Variants in COL24A1 observed in about 807,000 individuals in gnomAD.
COL24A1 encodes collagen alpha-1(XXIV) chain.
COL24A1 carries 224 observed loss-of-function variants against 253.9 expected under a neutral mutation model. That is an observed-to-expected ratio of 0.88 (90% CI 0.79 to 0.99). The LOEUF is 0.99. COL24A1 is among the 50% of genes least tolerant of loss of function. COL24A1 has a pLI of 0.00. For synonymous variants in COL24A1, 685 were observed against 673.7 expected, an observed-to-expected ratio of 1.02 and a Z score of -0.26; for missense variants, 2,131 against 2,068.5, an observed-to-expected ratio of 1.03 and a Z score of -0.59.
In COL24A1 at chr1:86,112,047, C is replaced by T. The variant is rs185764523; in HGVS notation, c.1599+520G>A. The stretch of plus-strand genomic sequence containing the variant: ...AGTGAGACCAAGAACCCACCAATTC[C>T]GGACACAATATGACTATCATACAAC... On this transcript the variant is annotated intron_variant, in intron 5 of 59. Coordinates refer to ENST00000370571, the MANE Select transcript of COL24A1 (RefSeq NM_152890.7). Among the ~76,000 whole-genome samples the T allele has an allele frequency of 5.4e-3, 816 of 152,244 alleles. 9 individuals are homozygous for T. Among genetic ancestry groups the T allele is most frequent in the African/African-American group, 0.019 (770 of 41,524 alleles).
At chr1:85,803,841 G>C (rs1431396924) in intron 47 of COL24A1, among the ~76,000 whole-genome samples, 1 of 151,968 alleles carries the variant, frequency 6.6e-6, no homozygotes, top group Non-Finnish European at 1.5e-5. Context: ...TTTATTTCTT[G>C]TTATTACACT....
At chr1:86,113,297 T>G (rs1441797246) in intron 4 of COL24A1, among the ~76,000 whole-genome samples, 1 of 152,170 alleles carries the variant, frequency 6.6e-6, no homozygotes, top group Non-Finnish European at 1.5e-5. Flanking sequence ...AACCAGTAAG[T>G]AGAGGAACAG....
intron 35 of COL24A1, among the ~76,000 whole-genome samples, chr1:85,873,046 A>G (rs546554727): frequency 6.6e-6 from 1 of 152,364 alleles, no homozygotes; most frequent in South Asian, 2.1e-4. Context: ...ACACTTCTCA[A>G]AAGAAGACAT....
intron 19 of COL24A1, among the ~76,000 whole-genome samples, chr1:86,010,122 A>G (rs1696358461): frequency 6.6e-6 from 1 of 152,220 alleles, no homozygotes; most frequent in Admixed American, 6.5e-5. Flanking sequence ...AAGAATCAGA[A>G]GAAAACATAG....
At chr1:85,885,341 C>A (rs1335911178) in intron 32 of COL24A1, among the ~76,000 whole-genome samples, 1 of 150,738 alleles carries the variant, frequency 6.6e-6, no homozygotes, top group East Asian at 1.9e-4. Context: ...GCTGGGATTA[C>A]AGGCACCCAC....
chr1:86,096,607 C>A (rs991412693), intron 5 of COL24A1, among the ~76,000 whole-genome samples: 6 of 152,092 alleles, frequency 3.9e-5, no homozygotes, highest in Non-Finnish European at 5.9e-5. Flanking sequence ...AGCCTAAATA[C>A]AAGGGTCTAA....
intron 24 of COL24A1, among the ~76,000 whole-genome samples, chr1:85,926,596 T>C (rs999041811): frequency 6.6e-6 from 1 of 151,288 alleles, no homozygotes; most frequent in Non-Finnish European, 1.5e-5. Flanking sequence ...ATGTTCTCAC[T>C]CATAGGTGGG....
At chr1:86,003,506 A>C (rs940572740) in intron 19 of COL24A1, among the ~76,000 whole-genome samples, 2 of 152,176 alleles carry the variant, frequency 1.3e-5, no homozygotes, top group Non-Finnish European at 2.9e-5. Context: ...CCATATGACT[A>C]GCTGGAGGAG....
chr1:85,744,449 C>T (rs1459356631), intron 57 of COL24A1, among the ~76,000 whole-genome samples: 1 of 151,682 alleles, frequency 6.6e-6, no homozygotes, highest in Non-Finnish European at 1.5e-5. Context: ...TGCTGTATAC[C>T]AAGTACAAAA....
intron 19 of COL24A1, among the ~76,000 whole-genome samples, chr1:86,015,438 T>G (rs111776471): frequency 0.019 from 2,914 of 152,248 alleles, 33 homozygotes; most frequent in Non-Finnish European, 0.024. Flanking sequence ...AATAAACATC[T>G]TTAGAAGACC....
chr1:85,875,380 G>T (rs1681035781), intron 33 of COL24A1, 50 bp from the exon 34 acceptor site: 1 of 1,447,848 alleles, frequency 6.9e-7, no homozygotes. Flanking sequence ...AATCTCATGA[G>T]AAGATGGTGG....
intron 24 of COL24A1, among the ~76,000 whole-genome samples, chr1:85,941,882 A>G (rs528585040): frequency 2.6e-5 from 4 of 152,076 alleles, no homozygotes; most frequent in Non-Finnish European, 4.4e-5. Context: ...GTTCATCTCA[A>G]TGCTCATCTC....
Position 85,813,532 on chromosome 1 carries a change from CTTTTTTTTTTTTTTTTTT to C in COL24A1, c.3951+3238_3951+3255del, listed in dbSNP as rs765607746. ...AATTACTAGAAAATCTCATTCAGGT[CTTTTTTTTTTTTTTTTTT>C]TTTTTTTTTTTTTTTTTTGAGACGG... On this transcript the variant is annotated intron_variant, in intron 47 of 59. Transcript: ENST00000370571. Among the ~76,000 whole-genome samples the C allele has an allele frequency of 3.1e-4, 24 of 76,246 alleles. No homozygotes were observed. The East Asian group carries it at 8.5e-3, about 27-fold the overall frequency. 50.0% of individuals were successfully genotyped at this position (76,246 alleles called of 152,430 possible).
chr1:85,763,177 G>T (rs1259212701), intron 53 of COL24A1, among the ~76,000 whole-genome samples: 1 of 152,092 alleles, frequency 6.6e-6, no homozygotes, highest in African/African-American at 2.4e-5. Context: ...AGTACTTTGG[G>T]AGGTCAAGGC....
intron 19 of COL24A1, among the ~76,000 whole-genome samples, chr1:85,988,449 A>G (rs1693932980): frequency 6.6e-6 from 1 of 152,062 alleles, no homozygotes. Context: ...TGTTGCTTTA[A>G]AAGTATCAGA....
chr1:85,759,575 C>A (rs908862723), intron 55 of COL24A1, among the ~76,000 whole-genome samples: 17 of 151,722 alleles, frequency 1.1e-4, no homozygotes, highest in African/African-American at 3.9e-4. Context: ...TTCATATTGG[C>A]CAAGAAGGAA....
At chr1:86,145,905 A>C (rs1396586523) in intron 2 of COL24A1, among the ~76,000 whole-genome samples, 1 of 152,060 alleles carries the variant, frequency 6.6e-6, no homozygotes, top group Non-Finnish European at 1.5e-5. Context: ...AAATGTAAGC[A>C]ATTTCACAGA....
intron 7 of COL24A1, among the ~76,000 whole-genome samples, chr1:86,081,583 G>T (rs1702646112): frequency 6.6e-6 from 1 of 152,022 alleles, no homozygotes; most frequent in Non-Finnish European, 1.5e-5. Flanking sequence ...GTTTATCACT[G>T]CAAAACAAGG....
chr1:86,014,360 C>A (rs1696804809), intron 19 of COL24A1, among the ~76,000 whole-genome samples: 2 of 152,182 alleles, frequency 1.3e-5, no homozygotes, highest in African/African-American at 4.8e-5. Flanking sequence ...CTGTAGACTT[C>A]TAGGGGTGAG....
Sources: allele counts gnomAD v4.1 joint callset (sites outside exome capture counted in the v4.1 genomes callset), GRCh38; gene constraint gnomAD v4.1.1; transcripts MANE v1.5; gene names NCBI Gene and HGNC (gene_info 2026-07-23, HGNC 2026-07-21).